The following TMEM117 variants were observed in gnomAD, a reference collection of about 807,000 sequenced individuals.
TMEM117 encodes the protein transmembrane protein 117.
TMEM117 carries 27 observed loss-of-function variants against 52.4 expected under a neutral mutation model. That is an observed-to-expected ratio of 0.51 (90% CI 0.38 to 0.71). The LOEUF is 0.71. Ranked by LOEUF, TMEM117 falls within the 30% of genes least tolerant of loss-of-function variation. The pLI is 0.00. For synonymous variants in TMEM117, 215 were observed against 206.3 expected (o/e 1.04, Z -0.36); for missense variants, 556 against 630.5 (o/e 0.88, Z 1.26).
At position 44,279,515 on chromosome 12, in the gene TMEM117, C is replaced by CTTTTTT. The variant is rs769225066; in HGVS notation, c.609-20054_609-20049dup. Among the ~76,000 whole-genome samples the CTTTTTT allele has an allele frequency of 2.2e-5, 3 of 137,260 alleles. No individual in the cohort carries two copies. The East Asian group carries it at 6.3e-4, about 29-fold the overall frequency. The allele number at this position is 137,260 out of a possible 152,430, so 90.0% of individuals were successfully genotyped here. On this transcript the variant is annotated intron_variant, in intron 5 of 7. Transcript: ENST00000266534. ...GTTTGCAATTTTCTTTTCTTTTCTT[C>CTTTTTT]TTTTTTTTTTTTTTTTGAGATGGAG...
At chr12:43,956,559 C>T (rs1945311447) in intron 3 of TMEM117, among the ~76,000 whole-genome samples, 2 of 142,558 alleles carry the variant, frequency 1.4e-5, no homozygotes, top group Admixed American at 1.4e-4. Flanking sequence ...AAAAAGAGCT[C>T]AATGTTACTG....
chr12:44,115,021 A>T (rs1441116204), intron 3 of TMEM117, among the ~76,000 whole-genome samples: 1 of 152,202 alleles, frequency 6.6e-6, no homozygotes, highest in Non-Finnish European at 1.5e-5. Flanking sequence ...ATCATATATA[A>T]TTTTTTATCT....
chr12:44,379,558 C>T (rs572232777), intron 7 of TMEM117, among the ~76,000 whole-genome samples: 39 of 152,270 alleles, frequency 2.6e-4, no homozygotes, highest in African/African-American at 8.7e-4. Flanking sequence ...TTCTTTTACT[C>T]TCTCTGTTTT....
chr12:44,293,986 A>G (rs938345414), intron 5 of TMEM117, among the ~76,000 whole-genome samples: 1 of 152,124 alleles, frequency 6.6e-6, no homozygotes, highest in African/African-American at 2.4e-5. Context: ...TAAAAGTCAG[A>G]TCTAGTGGCA....
intron 6 of TMEM117, among the ~76,000 whole-genome samples, chr12:44,374,831 T>C (rs1385132762): frequency 6.6e-6 from 1 of 152,128 alleles, no homozygotes; most frequent in Non-Finnish European, 1.5e-5. Context: ...ACTTGCCCAA[T>C]TACTACCAAG....
rs1945422617 is a variant in TMEM117, at chr12:43,962,706, G to A, written c.410+18364G>A. 2.0e-5 allele frequency among the ~76,000 whole-genome samples: 3 copies of A among 152,120 alleles called. No homozygotes were observed. In the South Asian group the frequency reaches 6.2e-4, roughly 32 times the overall value. On this transcript the variant is annotated intron_variant, in intron 3 of 7. Coordinates refer to ENST00000266534, the MANE Select transcript of TMEM117 (RefSeq NM_032256.3). ...GAGGCCGAGGTGGGCGGATCACGAG[G>A]TCAGGAGATAGAGACCATCCTGGCT... is the stretch of plus-strand genomic sequence containing the variant.
chr12:43,911,848 C>T (rs898077483), intron 2 of TMEM117, among the ~76,000 whole-genome samples: 1 of 151,322 alleles, frequency 6.6e-6, no homozygotes, highest in Non-Finnish European at 1.5e-5. Flanking sequence ...CAGGAAAGAA[C>T]AGGTGCTGGA....
intron 6 of TMEM117, among the ~76,000 whole-genome samples, chr12:44,310,406 A>C (rs1299044803): frequency 6.6e-6 from 1 of 152,226 alleles, no homozygotes; most frequent in Non-Finnish European, 1.5e-5. Flanking sequence ...TGGGAGGCCG[A>C]GGCGGGTGGA....
At chr12:44,186,182 T>C (rs1007844179) in intron 4 of TMEM117, among the ~76,000 whole-genome samples, 1 of 152,170 alleles carries the variant, frequency 6.6e-6, no homozygotes, top group Non-Finnish European at 1.5e-5. Flanking sequence ...GATAATGAGA[T>C]GTGGTTAGGA....
At chr12:43,894,498 C>T (rs373544252) in intron 2 of TMEM117, among the ~76,000 whole-genome samples, 23 of 151,936 alleles carry the variant, frequency 1.5e-4, no homozygotes, top group Admixed American at 9.2e-4. Context: ...TATTTCATCA[C>T]CCAGGTATTA....
At chr12:44,017,721 A>G (rs1031133918) in intron 3 of TMEM117, among the ~76,000 whole-genome samples, 7 of 152,206 alleles carry the variant, frequency 4.6e-5, no homozygotes, top group African/African-American at 1.7e-4. Flanking sequence ...ACTTCAAAAT[A>G]TTATAACATT....
chr12:44,356,583 A>G (rs1291653601), intron 6 of TMEM117, among the ~76,000 whole-genome samples: 1 of 151,982 alleles, frequency 6.6e-6, no homozygotes, highest in Admixed American at 6.6e-5. Context: ...AGATGTTATT[A>G]CCTTATAATT....
intron 2 of TMEM117, among the ~76,000 whole-genome samples, chr12:43,897,525 A>T (rs1296991793): frequency 6.6e-6 from 1 of 150,750 alleles, no homozygotes; most frequent in Non-Finnish European, 1.5e-5. Context: ...GTTGGCCAGG[A>T]TGGTGTCTCC....
chr12:44,308,505 A>G (rs1950931739), intron 6 of TMEM117, among the ~76,000 whole-genome samples: 1 of 152,084 alleles, frequency 6.6e-6, no homozygotes, highest in African/African-American at 2.4e-5. Context: ...CAGCCATGCT[A>G]TTGGCACCCA....
rs189282554 is a variant in TMEM117, at chr12:44,160,209, T to C, written c.510+16585T>C. ...AGCCCTTTTAGATCGCCAAGTCAATTCAGTGGTGTTATATTGAGCATCTAA... is the reference window on the plus strand; with the variant it reads ...AGCCCTTTTAGATCGCCAAGTCAATCCAGTGGTGTTATATTGAGCATCTAA... On this transcript the variant is annotated intron_variant, in intron 4 of 7. Transcript: ENST00000266534. Among the ~76,000 whole-genome samples, 225 of 152,274 alleles carry C rather than the reference T, an allele frequency of 1.5e-3. 2 individuals are homozygous for C. The highest frequency in any genetic ancestry group is 5.1e-3 in the African/African-American group (212 of 41,572).
intron 4 of TMEM117, among the ~76,000 whole-genome samples, chr12:44,152,516 A>ATT (rs528105188): frequency 0.051 from 5,835 of 114,340 alleles, 208 homozygotes; most frequent in African/African-American, 0.084. Flanking sequence ...TCATATATAA[A>ATT]TTTATATATA....
chr12:44,108,318 T>C (rs1451694843), intron 3 of TMEM117, among the ~76,000 whole-genome samples: 2 of 135,778 alleles, frequency 1.5e-5, no homozygotes, highest in Non-Finnish European at 1.6e-5. Context: ...ATGTGTCATC[T>C]AGCATTAGGT....
At chr12:43,848,281 A>C (rs1351235054) in intron 2 of TMEM117, among the ~76,000 whole-genome samples, 3 of 152,046 alleles carry the variant, frequency 2.0e-5, no homozygotes, top group Admixed American at 6.5e-5. Context: ...CTGACCACAA[A>C]TTTACCAGGG....
chr12:43,909,970 G>C (rs1029197555), intron 2 of TMEM117, among the ~76,000 whole-genome samples: 22 of 133,254 alleles, frequency 1.7e-4, no homozygotes, highest in African/African-American at 4.7e-4. Context: ...TAGAAAAAGA[G>C]GGAATCCTCC....
Sources: gnomAD v4.1 joint callset for allele counts (sites outside exome capture counted in the v4.1 genomes callset) on GRCh38, gnomAD v4.1.1 for gene constraint, MANE v1.5 for transcripts, NCBI Gene and HGNC (gene_info 2026-07-23, HGNC 2026-07-21) for gene names.